The following STK32B variants were observed in gnomAD, a reference collection of about 807,000 sequenced individuals.
The protein encoded by STK32B is serine/threonine-protein kinase 32B.
A neutral mutation model predicts 52.6 loss-of-function variants in STK32B; 43 were observed. The observed-to-expected ratio is 0.82, with a 90% CI of 0.64 to 1.05. The LOEUF is 1.05. STK32B is among the 50% of genes least tolerant of loss of function. STK32B has a pLI of 0.00. For missense variants in STK32B, 621 were observed against 534.6 expected (o/e 1.16, Z -1.59); for synonymous variants, 238 against 204.3 (o/e 1.17, Z -1.41).
intron 1 of STK32B, among the ~76,000 whole-genome samples, chr4:5,057,323 C>T (rs1304289821): frequency 6.6e-6 from 1 of 152,182 alleles, no homozygotes; most frequent in Non-Finnish European, 1.5e-5. Flanking sequence ...ACTGGTTTTT[C>T]AGCGTGGACC....
intron 2 of STK32B, among the ~76,000 whole-genome samples, chr4:5,167,924 C>T (rs146874212): frequency 2.8e-4 from 43 of 152,244 alleles, no homozygotes; most frequent in Non-Finnish European, 4.7e-4. Context: ...ACGGAGTCTG[C>T]GACACTCGTG....
intron 5 of STK32B, among the ~76,000 whole-genome samples, chr4:5,404,997 G>T (rs1437280458): frequency 6.6e-6 from 1 of 150,624 alleles, no homozygotes; most frequent in Non-Finnish European, 1.5e-5. Context: ...CTCCTAAGTA[G>T]CTGGGACTAC....
intron 1 of STK32B, among the ~76,000 whole-genome samples, chr4:5,130,136 T>G: frequency 6.7e-6 from 1 of 149,346 alleles, no homozygotes; most frequent in Non-Finnish European, 1.5e-5. Flanking sequence ...GTGACCCAAA[T>G]AGGGTGGTGA....
At chr4:5,214,633 GATA>G (rs1293973990) in intron 3 of STK32B, among the ~76,000 whole-genome samples, 1 of 152,082 alleles carries the variant, frequency 6.6e-6, no homozygotes, top group East Asian at 1.9e-4. Context: ...ATTACAATTT[GATA>G]ATAACACAAG....
At chr4:5,333,396 G>C (rs1176847910) in intron 4 of STK32B, among the ~76,000 whole-genome samples, 1 of 152,134 alleles carries the variant, frequency 6.6e-6, no homozygotes, top group Non-Finnish European at 1.5e-5. Context: ...CAGATGAGTA[G>C]GTTGGGAAAA....
intron 4 of STK32B, among the ~76,000 whole-genome samples, chr4:5,353,629 T>C (rs945543022): frequency 1.3e-5 from 2 of 151,724 alleles, no homozygotes; most frequent in Non-Finnish European, 2.9e-5. Context: ...CCAACAGGTA[T>C]ATGAAAAACT....
intron 2 of STK32B, among the ~76,000 whole-genome samples, chr4:5,167,844 G>C (rs943097502): frequency 6.6e-6 from 1 of 152,210 alleles, no homozygotes; most frequent in African/African-American, 2.4e-5. Context: ...GAGAAATGCA[G>C]GACTGGTGGA....
At chr4:5,024,323 G>A in the STK32B span, among the ~76,000 whole-genome samples, 1 of 152,190 alleles carries the variant, frequency 6.6e-6, no homozygotes, top group Admixed American at 6.5e-5. Flanking sequence ...GCTTCCCTGA[G>A]GAAGAAAGAG....
intron 4 of STK32B, among the ~76,000 whole-genome samples, chr4:5,342,735 G>T (rs1023019283): frequency 6.6e-6 from 1 of 152,176 alleles, no homozygotes. Context: ...ATTCTCTAAG[G>T]GCAGGCACTT....
rs1377904599 is a variant in STK32B at position 5,498,937 on chromosome 4, G to C, written c.1107-8G>C. 6.2e-7 allele frequency: 1 copy of C among 1,610,940 alleles called. No homozygotes were observed. The highest frequency in any genetic ancestry group is 1.7e-5 in the Admixed American group (1 of 59,774). ...GCACCACTAACTCAGATCTGTGCTT[G>C]TTTGCAGGCTCAGGAGGCAGCAGGG... is the stretch of plus-strand genomic sequence containing the variant. On this transcript the variant is annotated splice_polypyrimidine_tract_variant and splice_region_variant and intron_variant, in intron 11 of 11. Coordinates refer to ENST00000282908, the MANE Select transcript of STK32B (RefSeq NM_018401.3).
chr4:5,232,843 G>C (rs969167040), intron 3 of STK32B, among the ~76,000 whole-genome samples: 2 of 152,126 alleles, frequency 1.3e-5, no homozygotes, highest in African/African-American at 4.8e-5. Flanking sequence ...ACCTCCTTCT[G>C]TTTGGGACAG....
intron 11 of STK32B, among the ~76,000 whole-genome samples, chr4:5,481,064 G>T (rs1409906838): frequency 6.6e-6 from 1 of 152,168 alleles, no homozygotes; most frequent in African/African-American, 2.4e-5. Context: ...TGTCTTTAAA[G>T]CAGCATGATT....
At chr4:5,429,700 T>C (rs1394323560) in intron 6 of STK32B, among the ~76,000 whole-genome samples, 2 of 152,154 alleles carry the variant, frequency 1.3e-5, no homozygotes, top group Non-Finnish European at 1.5e-5. Flanking sequence ...CTAGCTGTTA[T>C]TATATTCATT....
chr4:5,115,581 T>A lies in STK32B; in HGVS notation c.53-24324T>A, dbSNP rs562549331. 2.0e-5 allele frequency among the ~76,000 whole-genome samples: 3 copies of A among 152,304 alleles called. No homozygotes were observed. In the East Asian group the frequency reaches 5.8e-4, roughly 29 times the overall value. On this transcript the variant is annotated intron_variant, in intron 1 of 11. Coordinates refer to ENST00000282908, the MANE Select transcript of STK32B (RefSeq NM_018401.3). The stretch of plus-strand genomic sequence containing the variant: ...AGATTTGAGCTTCCTTGAGGGCAAC[T>A]GGAGAAGTGTAACCTGGGCAGTTAT...
intron 11 of STK32B, among the ~76,000 whole-genome samples, chr4:5,495,325 T>A (rs1357112530): frequency 6.6e-6 from 1 of 152,202 alleles, no homozygotes; most frequent in African/African-American, 2.4e-5. Context: ...TTTCATTCAG[T>A]TCATGTTCCA....
intron 3 of STK32B, among the ~76,000 whole-genome samples, chr4:5,278,334 G>T (rs771318806): frequency 6.6e-6 from 1 of 152,204 alleles, no homozygotes; most frequent in Non-Finnish European, 1.5e-5. Flanking sequence ...GCTGCCCAGG[G>T]GGCAGATCAA....
chr4:5,163,579 TGTAA>T (rs1464046413), intron 2 of STK32B, among the ~76,000 whole-genome samples: 4 of 108,164 alleles, frequency 3.7e-5, no homozygotes, highest in Admixed American at 2.7e-4. Flanking sequence ...TGTGTGTGTG[TGTAA>T]GAGAGAGAGA....
At chr4:5,290,342 G>A (rs1293462963) in intron 3 of STK32B, among the ~76,000 whole-genome samples, 1 of 151,988 alleles carries the variant, frequency 6.6e-6, no homozygotes, top group Non-Finnish European at 1.5e-5. Flanking sequence ...ACATTTTACA[G>A]CTAAACAAAA....
chr4:5,112,648 A>G (rs993991910), intron 1 of STK32B, among the ~76,000 whole-genome samples: 1 of 152,160 alleles, frequency 6.6e-6, no homozygotes, highest in African/African-American at 2.4e-5. Flanking sequence ...ACTCAAGATA[A>G]TGTTTGATGA....
Sources: gnomAD v4.1 joint callset for allele counts (sites outside exome capture counted in the v4.1 genomes callset) on GRCh38, gnomAD v4.1.1 for gene constraint, MANE v1.5 for transcripts, NCBI Gene and HGNC (gene_info 2026-07-23, HGNC 2026-07-21) for gene names.